PAIP1: variants seen among roughly 807,000 people sequenced by gnomAD.
The protein encoded by PAIP1 is polyadenylate-binding protein-interacting protein 1.
A neutral mutation model predicts 61.3 loss-of-function variants in PAIP1; 16 were observed. That is an observed-to-expected ratio of 0.26 (90% CI 0.18 to 0.40). The LOEUF is 0.40. Among genes scored for constraint, PAIP1 ranks in the 10% least tolerant of loss-of-function variants. The pLI is 1.00. For missense variants in PAIP1, 416 were observed against 600.9 expected, an observed-to-expected ratio of 0.69 and a Z score of 3.22; for synonymous variants, 187 against 226.2, an observed-to-expected ratio of 0.83 and a Z score of 1.56.
intron 2 of PAIP1, among the ~76,000 whole-genome samples, chr5:43,551,569 T>C (rs939511434): frequency 4.6e-5 from 7 of 152,194 alleles, no homozygotes; most frequent in African/African-American, 1.4e-4. Flanking sequence ...AAAACTAGTC[T>C]TAAGTTTTTG....
At chr5:43,541,750 T>C (rs1441420265) in intron 4 of PAIP1, among the ~76,000 whole-genome samples, 1 of 105,924 alleles carries the variant, frequency 9.4e-6, no homozygotes, top group Non-Finnish European at 2.1e-5. Context: ...GACATCAAAT[T>C]ATAAGAAAAC....
intron 9 of PAIP1, among the ~76,000 whole-genome samples, chr5:43,532,061 T>TA (rs1461892383): frequency 2.6e-5 from 4 of 152,134 alleles, no homozygotes; most frequent in Non-Finnish European, 5.9e-5. Context: ...TATAGCAGAT[T>TA]AAAAAACGTT....
chr5:43,557,146 C>G (rs1748133320), upstream of PAIP1: 3 of 338,132 alleles, frequency 8.9e-6, no homozygotes, highest in Non-Finnish European at 9.9e-6. Flanking sequence ...CAGCGGCCCC[C>G]TGCGGCCCGG....
intron 5 of PAIP1, 73 bp from the exon 6 acceptor site, chr5:43,537,017 G>A: frequency 2.8e-6 from 3 of 1,074,836 alleles, no homozygotes; most frequent in Non-Finnish European, 3.9e-6. Context: ...GAACTAACAA[G>A]GTGTTGGCAA....
chr5:43,551,064 G>A (rs1407553280), intron 2 of PAIP1, among the ~76,000 whole-genome samples: 1 of 152,094 alleles, frequency 6.6e-6, no homozygotes, highest in Non-Finnish European at 1.5e-5. Context: ...AGGTCAATGA[G>A]GCAGATAAGG....
chr5:43,548,766 G>A (rs967213367), intron 2 of PAIP1, among the ~76,000 whole-genome samples: 1 of 152,144 alleles, frequency 6.6e-6, no homozygotes, highest in African/African-American at 2.4e-5. Flanking sequence ...TACACTGCTT[G>A]TATGAAATTT....
chr5:43,540,650 AT>A (rs1747362838), intron 4 of PAIP1, among the ~76,000 whole-genome samples: 1 of 152,256 alleles, frequency 6.6e-6, no homozygotes. Context: ...GTATGTATAT[AT>A]TTTTTAAAGA....
intron 2 of PAIP1, among the ~76,000 whole-genome samples, chr5:43,553,292 A>AG (rs1348848243): frequency 6.6e-6 from 1 of 152,234 alleles, no homozygotes; most frequent in Non-Finnish European, 1.5e-5. Context: ...TGAAGATAAA[A>AG]GGGCTTGGTG....
intron 9 of PAIP1, among the ~76,000 whole-genome samples, chr5:43,530,158 A>AG (rs1746880702): frequency 6.6e-6 from 1 of 152,234 alleles, no homozygotes; most frequent in African/African-American, 2.4e-5. Context: ...TCCATTGGAA[A>AG]GATATTAATC....
chr5:43,556,311 G>T, intron 1 of PAIP1: 1 of 1,239,090 alleles, frequency 8.1e-7, no homozygotes, highest in Non-Finnish European at 1.0e-6. Flanking sequence ...GGGCTGCTGA[G>T]GGGAGGCGAT....
chr5:43,551,841 C>T (rs950131176), intron 2 of PAIP1, among the ~76,000 whole-genome samples: 18 of 149,516 alleles, frequency 1.2e-4, no homozygotes, highest in African/African-American at 4.2e-4. Context: ...CTGAATATAG[C>T]AGAACAGAGG....
chr5:43,555,474 T>G (rs1163346289), intron 2 of PAIP1, among the ~76,000 whole-genome samples: 1 of 152,234 alleles, frequency 6.6e-6, no homozygotes, highest in Non-Finnish European at 1.5e-5. Context: ...AAAGAAAAAC[T>G]GAAAGTTTAA....
chr5:43,550,017 C>A (rs1747801513), intron 2 of PAIP1, among the ~76,000 whole-genome samples: 1 of 151,060 alleles, frequency 6.6e-6, no homozygotes, highest in African/African-American at 2.4e-5. Flanking sequence ...AGCCACCATG[C>A]CCGGCCTATG....
chr5:43,555,423 TAAGAA>T (rs1375086965), intron 2 of PAIP1, among the ~76,000 whole-genome samples: 2 of 152,216 alleles, frequency 1.3e-5, no homozygotes, highest in African/African-American at 4.8e-5. Context: ...TACGGCTATT[TAAGAA>T]AAGTGACTAT....
At chr5:43,539,366 G>GT (rs1284487147) in intron 4 of PAIP1, among the ~76,000 whole-genome samples, 2 of 151,242 alleles carry the variant, frequency 1.3e-5, no homozygotes, top group Admixed American at 6.6e-5. Flanking sequence ...TGTCTTATAG[G>GT]TTTTTTACTA....
chr5:43,534,557 G>T (rs886225115), intron 8 of PAIP1, among the ~76,000 whole-genome samples: 2 of 152,176 alleles, frequency 1.3e-5, no homozygotes, highest in African/African-American at 4.8e-5. Context: ...CTGAGATGCA[G>T]GTCCTTGGTT....
At chr5:43,544,345 C>T (rs911922973) in intron 3 of PAIP1, among the ~76,000 whole-genome samples, 3 of 152,032 alleles carry the variant, frequency 2.0e-5, no homozygotes, top group African/African-American at 7.2e-5. Flanking sequence ...AGTGATTTCT[C>T]CTGACATCAT....
intron 4 of PAIP1, among the ~76,000 whole-genome samples, chr5:43,541,533 A>C (rs1747410871): frequency 6.7e-6 from 1 of 149,834 alleles, no homozygotes; most frequent in Admixed American, 6.7e-5. Flanking sequence ...TTTTTTTCCC[A>C]AATGACTATC....
In PAIP1 at chr5:43,556,832, G is replaced by C; in HGVS notation, c.15C>G (p.Phe5Leu). 1 of 1,448,404 alleles carries C rather than the reference G, an allele frequency of 6.9e-7. No individual in the cohort carries two copies. 89.7% of individuals were successfully genotyped at this position (1,448,404 alleles called of 1,614,324 possible). A position where few individuals can be genotyped will look rare whatever the true frequency, so the allele number is the denominator to read the frequency against. Reference protein sequence around the residue: MSDGFDRAPGAGRGR... With the variant: MSDGLDRAPGAGRGR... ...CCCGACCAGCACCTGGGGCCCGATCGAAACCGTCCGACATGCTCCTCCTCC... is the reference window on the plus strand; with the variant it reads ...CCCGACCAGCACCTGGGGCCCGATCCAAACCGTCCGACATGCTCCTCCTCC... The change falls in exon 1 of 11, where the codon TTC (phenylalanine) becomes TTG (leucine). Residue 5 changes from phenylalanine to leucine, a missense_variant. Phe to Leu is a conservative substitution (Grantham distance 22). Coordinates refer to ENST00000306846, the MANE Select transcript of PAIP1 (RefSeq NM_006451.5).
Sources: allele counts gnomAD v4.1 joint callset (sites outside exome capture counted in the v4.1 genomes callset), GRCh38; gene constraint gnomAD v4.1.1; transcripts MANE v1.5; gene names NCBI Gene and HGNC (gene_info 2026-07-23, HGNC 2026-07-21).